The following SRSF11 variants were observed in gnomAD, a reference collection of about 807,000 sequenced individuals.
The protein encoded by SRSF11 is serine/arginine-rich splicing factor 11.
SRSF11 carries 9 observed loss-of-function variants against 56.0 expected under a neutral mutation model. That is an observed-to-expected ratio of 0.16 (90% CI 0.10 to 0.28). SRSF11 has a LOEUF of 0.28. Among genes scored for constraint, SRSF11 ranks in the 10% least tolerant of loss-of-function variants. The pLI, the probability that SRSF11 is intolerant of heterozygous loss-of-function variation, is 1.00. For synonymous variants in SRSF11, 222 were observed against 215.3 expected (o/e 1.03, Z -0.27); for missense variants, 421 against 600.7 (o/e 0.70, Z 3.13).
chr1:70,232,396 T>C lies in SRSF11; in HGVS notation c.447+19T>C. 6.3e-7 allele frequency: 1 copy of C among 1,578,206 alleles called. No individual in the cohort carries two copies. Among genetic ancestry groups the C allele is most frequent in the Non-Finnish European group, 8.6e-7 (1 of 1,159,114 alleles). ...TACCCAGGTACTAGTTCTATTGAAT[T>C]CTTAAAGGGTGGGGAAAAAAACAGA... On this transcript the variant is annotated intron_variant, in intron 3 of 11. Transcript: ENST00000370949.
At chr1:70,243,202 G>GT (rs1050419141) in intron 7 of SRSF11, among the ~76,000 whole-genome samples, 9 of 151,680 alleles carry the variant, frequency 5.9e-5, no homozygotes, top group South Asian at 4.2e-4. Flanking sequence ...CAGGGGATTG[G>GT]TTACAAATCC....
At chr1:70,226,625 A>AG in intron 1 of SRSF11, among the ~76,000 whole-genome samples, 1 of 152,322 alleles carries the variant, frequency 6.6e-6, no homozygotes, top group East Asian at 1.9e-4. Context: ...GCTATTTCCC[A>AG]GGGCATTGTG....
chr1:70,252,405 G>A lies in SRSF11; in HGVS notation c.*1600G>A, dbSNP rs529446911. ...TAAATAGTATTCATTTATGAAATGAGTAGTGTTTGGGTGGCTGGGGTTAAG... is the reference window on the plus strand; with the variant it reads ...TAAATAGTATTCATTTATGAAATGAATAGTGTTTGGGTGGCTGGGGTTAAG... On this transcript the variant is annotated 3_prime_UTR_variant, in exon 12 of 12. Transcript: ENST00000370949. 3 of 152,236 alleles carry A rather than the reference G, an allele frequency of 2.0e-5. No homozygotes were observed. Among genetic ancestry groups the A allele is most frequent in the African/African-American group, 7.2e-5 (3 of 41,562 alleles). The allele number at this position is 152,236 out of a possible 1,614,324, so 9.4% of individuals were successfully genotyped here.
chr1:70,243,573 T>A (rs1203423233), intron 7 of SRSF11, among the ~76,000 whole-genome samples: 1 of 152,120 alleles, frequency 6.6e-6, no homozygotes, highest in Non-Finnish European at 1.5e-5. Flanking sequence ...GTTACCTGGC[T>A]TATAAATGAG....
Position 70,251,837 on chromosome 1 carries a change from A to G in SRSF11, c.*1032A>G, listed in dbSNP as rs1678004257. 1 of 152,552 alleles carries G rather than the reference A, an allele frequency of 6.6e-6. No individual in the cohort carries two copies. Among genetic ancestry groups the G allele is most frequent in the African/African-American group, 2.4e-5 (1 of 41,438 alleles). The allele number at this position is 152,552 out of a possible 1,614,324, so 9.4% of individuals were successfully genotyped here. On this transcript the variant is annotated 3_prime_UTR_variant, in exon 12 of 12. Transcript: ENST00000370949. Reference sequence around the variant, plus strand: ...CAGTAGTAATCTTATGCACACGGTGATTTCATGTTATATATGCAAAGTAGG... The same window carrying G: ...CAGTAGTAATCTTATGCACACGGTGGTTTCATGTTATATATGCAAAGTAGG...
chr1:70,231,873 C>G (rs527889651), intron 2 of SRSF11: 2 of 1,493,818 alleles, frequency 1.3e-6, no homozygotes, highest in East Asian at 5.4e-5. Context: ...GCAGCCGACA[C>G]GAGTCGTTGT....
intron 5 of SRSF11, among the ~76,000 whole-genome samples, chr1:70,236,069 T>A (rs890862514): frequency 2.3e-4 from 35 of 152,272 alleles, no homozygotes; most frequent in Non-Finnish European, 4.3e-4. Context: ...CTTTTCCCCT[T>A]AACTTGGTGA....
At chr1:70,250,168 C>T in intron 10 of SRSF11, 121 bp downstream of exon 10, 17 of 1,250,306 alleles carry the variant, frequency 1.4e-5, no homozygotes, top group Middle Eastern at 2.8e-4. Context: ...AATGTATTCT[C>T]CTTCTGACTT....
chr1:70,250,293 C>G (rs1173832623), intron 10 of SRSF11, 72 bp from the exon 11 acceptor site: 1 of 1,579,986 alleles, frequency 6.3e-7, no homozygotes, highest in Non-Finnish European at 8.6e-7. Flanking sequence ...CTACTTATAT[C>G]CTGTGAAATT....
intron 7 of SRSF11, among the ~76,000 whole-genome samples, chr1:70,241,160 G>A (rs1039305304): frequency 6.6e-6 from 1 of 152,030 alleles, no homozygotes; most frequent in African/African-American, 2.4e-5. Context: ...CTTAGTGTCC[G>A]TTACCCCTTA....
chr1:70,217,198 G>A (rs1262542618), upstream of SRSF11, among the ~76,000 whole-genome samples: 1 of 151,482 alleles, frequency 6.6e-6, no homozygotes, highest in East Asian at 1.9e-4. Context: ...CGCTCTTGTT[G>A]CCCAGGCTGG....
Position 70,221,625 on chromosome 1 carries a change from C to A in SRSF11, c.-12C>A, listed in dbSNP as rs1670640315. ...GATGTGTTAAAGCAGGAGCGAGAAC[C>A]CGAGCAGCGCCATGAGCAACACTAC... On this transcript the variant is annotated 5_prime_UTR_variant, in exon 1 of 12. Coordinates refer to ENST00000370949, the MANE Select transcript of SRSF11 (RefSeq NM_001350605.2). The A allele has an allele frequency of 6.2e-7, 1 of 1,604,864 alleles. No individual in the cohort carries two copies. The highest frequency in any genetic ancestry group is 2.2e-5 in the East Asian group (1 of 44,736).
intron 6 of SRSF11, 50 bp from the exon 7 acceptor site, chr1:70,239,389 G>T: frequency 3.0e-6 from 4 of 1,333,168 alleles, no homozygotes; most frequent in South Asian, 1.3e-5. Context: ...ACTGCGTCTG[G>T]CCCCTATTTA....
At chr1:70,226,525 C>A (rs976737304) in intron 1 of SRSF11, among the ~76,000 whole-genome samples, 1 of 152,030 alleles carries the variant, frequency 6.6e-6, no homozygotes, top group Non-Finnish European at 1.5e-5. Flanking sequence ...TTAAAAATAT[C>A]ATATTTGGGA....
At chr1:70,242,472 C>CTTTTTTTTTTT (rs377434872) in intron 7 of SRSF11, among the ~76,000 whole-genome samples, 24 of 139,390 alleles carry the variant, frequency 1.7e-4, no homozygotes, top group African/African-American at 5.1e-4. Flanking sequence ...ATTTTTGCAC[C>CTTTTTTTTTTT]TTTTTTTTTT....
intron 4 of SRSF11, 30 bp downstream of exon 4, chr1:70,234,818 C>T: frequency 6.5e-7 from 1 of 1,528,544 alleles, no homozygotes; most frequent in Non-Finnish European, 8.9e-7. Context: ...AATTTTTCAC[C>T]CATTTTTACA....
chr1:70,229,935 A>G (rs922222620), intron 2 of SRSF11: 11 of 985,268 alleles, frequency 1.1e-5, no homozygotes, highest in Admixed American at 1.2e-4. Context: ...TGGTTAAGCA[A>G]TTTCTTTTAT....
upstream of SRSF11, among the ~76,000 whole-genome samples, chr1:70,217,419 A>C (rs925939258): frequency 6.6e-6 from 1 of 152,108 alleles, no homozygotes; most frequent in Non-Finnish European, 1.5e-5. Context: ...GGCCTGCCGA[A>C]GTACTTGGAT....
chr1:70,246,207 G>A (rs1051101747), intron 8 of SRSF11, among the ~76,000 whole-genome samples: 1 of 151,844 alleles, frequency 6.6e-6, no homozygotes, highest in Non-Finnish European at 1.5e-5. Flanking sequence ...GTCTTGGGGA[G>A]AATGATGATC....
Sources: gnomAD v4.1 joint callset for allele counts (sites outside exome capture counted in the v4.1 genomes callset) on GRCh38, gnomAD v4.1.1 for gene constraint, MANE v1.5 for transcripts, NCBI Gene and HGNC (gene_info 2026-07-23, HGNC 2026-07-21) for gene names.